Variants in SUGCT observed in about 807,000 individuals in gnomAD.
SUGCT encodes succinyl-CoA:glutarate CoA-transferase.
Under a neutral mutation model 55.0 loss-of-function variants are expected in SUGCT, and 41 were observed. The observed-to-expected ratio is 0.74, with a 90% CI of 0.58 to 0.97. SUGCT has a LOEUF of 0.97. Among genes scored for constraint, SUGCT ranks in the 50% least tolerant of loss-of-function variants. The pLI is 0.00. For missense variants in SUGCT, 568 were observed against 547.8 expected, an observed-to-expected ratio of 1.04 and a Z score of -0.37; for synonymous variants, 187 against 200.4, an observed-to-expected ratio of 0.93 and a Z score of 0.56.
intron 9 of SUGCT, among the ~76,000 whole-genome samples, chr7:40,377,190 CTTTCTTTCTTTTCTTTTCT>C (rs1562728523): frequency 1.3e-3 from 13 of 9,966 alleles, no homozygotes; most frequent in South Asian, 0.029. Context: ...TTCTTTCTTT[CTTTCTTTCTTTTCTTTTCT>C]TTTCTTTCTT....
intron 13 of SUGCT, among the ~76,000 whole-genome samples, chr7:40,817,613 C>T (rs1791744853): frequency 6.6e-6 from 1 of 152,090 alleles, no homozygotes; most frequent in African/African-American, 2.4e-5. Context: ...TCTTGTGGTA[C>T]ATCCAAAAGA....
At position 40,282,492 on chromosome 7, in the gene SUGCT, AAAACAAAC is replaced by A. The variant is rs3085012; in HGVS notation, c.720+7856_720+7863del. ...CAAAAATACTGAAAAAACAAAAACA[AAAACAAAC>A]AAACAAACAAACAAACAAAAAAACC... is the stretch of plus-strand genomic sequence containing the variant. On this transcript the variant is annotated intron_variant, in intron 8 of 13. Coordinates refer to ENST00000335693, the MANE Select transcript of SUGCT (RefSeq NM_001193313.2). 4.7e-3 allele frequency among the ~76,000 whole-genome samples: 713 copies of A among 150,574 alleles called. 6 individuals carry two copies. The highest frequency in any genetic ancestry group is 0.015 in the African/African-American group (606 of 41,010).
rs528114680 is a variant in SUGCT at position 40,271,520 on chromosome 7, G to T, written c.577-2993G>T. On this transcript the variant is annotated intron_variant, in intron 7 of 13. Coordinates refer to ENST00000335693, the MANE Select transcript of SUGCT (RefSeq NM_001193313.2). ...GATTTTTAATAGATGCCCTTTATTA[G>T]GTTGAGAAGTTTCATTTTTTTTTAG... Among the ~76,000 whole-genome samples, 7 of 152,090 alleles carry T rather than the reference G, an allele frequency of 4.6e-5. No individual in the cohort carries two copies. The South Asian group carries it at 1.2e-3, about 27-fold the overall frequency.
chr7:40,712,027 G>A (rs1036750373), intron 12 of SUGCT, among the ~76,000 whole-genome samples: 21 of 152,206 alleles, frequency 1.4e-4, no homozygotes, highest in African/African-American at 4.6e-4. Flanking sequence ...AGGAAACTGC[G>A]GCTCCGCAAG....
At chr7:40,881,354 G>A in the SUGCT span, among the ~76,000 whole-genome samples, 8 of 152,110 alleles carry the variant, frequency 5.3e-5, no homozygotes, top group African/African-American at 1.9e-4. Context: ...CTTCATATTT[G>A]TGTTCCATTC....
chr7:40,592,098 A>C (rs11974721), intron 12 of SUGCT, among the ~76,000 whole-genome samples: 3,819 of 152,262 alleles, frequency 0.025, 156 homozygotes, highest in African/African-American at 0.089. Flanking sequence ...GAAAGTGTCA[A>C]ATTTACATTA....
intron 7 of SUGCT, among the ~76,000 whole-genome samples, chr7:40,261,392 C>T (rs1791214967): frequency 6.6e-6 from 1 of 152,174 alleles, no homozygotes; most frequent in Non-Finnish European, 1.5e-5. Flanking sequence ...GGCCTTCAGA[C>T]AGTCCTGGCT....
chr7:40,575,125 T>TGGGGGGGGGGGGGGGGGGGGGG (rs1491375845), intron 12 of SUGCT, among the ~76,000 whole-genome samples: 1 of 136,956 alleles, frequency 7.3e-6, no homozygotes, highest in African/African-American at 3.2e-5. Context: ...GTGGCGGGGG[T>TGGGGGGGGGGGGGGGGGGGGGG]GGGGGTGGAG....
intron 12 of SUGCT, among the ~76,000 whole-genome samples, chr7:40,605,487 T>G (rs1798479786): frequency 6.6e-6 from 1 of 152,220 alleles, no homozygotes; most frequent in Non-Finnish European, 1.5e-5. Context: ...ATCAAAGCCT[T>G]AAAATCTATT....
intron 9 of SUGCT, among the ~76,000 whole-genome samples, chr7:40,420,564 C>T (rs560951657): frequency 1.3e-5 from 2 of 152,226 alleles, no homozygotes; most frequent in South Asian, 4.1e-4. Flanking sequence ...GCCTCAAACT[C>T]CTGACCTCAG....
chr7:41,002,132 T>C, the SUGCT span, among the ~76,000 whole-genome samples: 1 of 152,170 alleles, frequency 6.6e-6, no homozygotes, highest in East Asian at 1.9e-4. Context: ...GCGATTCTCC[T>C]GCCTCAGCCT....
chr7:40,232,176 G>A (rs1406956179), intron 6 of SUGCT, among the ~76,000 whole-genome samples: 1 of 152,134 alleles, frequency 6.6e-6, no homozygotes, highest in African/African-American at 2.4e-5. Flanking sequence ...GGTGGCTAAT[G>A]GAATAGTCTA....
At chr7:40,227,576 C>G (rs1435073098) in intron 6 of SUGCT, among the ~76,000 whole-genome samples, 1 of 152,018 alleles carries the variant, frequency 6.6e-6, no homozygotes. Context: ...CTCAAGAGAT[C>G]CTCTTGCCTT....
At chr7:40,876,479 G>C in the SUGCT span, among the ~76,000 whole-genome samples, 1 of 152,054 alleles carries the variant, frequency 6.6e-6, no homozygotes, top group African/African-American at 2.4e-5. Flanking sequence ...ATACAGGCTG[G>C]GCATATTGAA....
At chr7:40,761,431 G>A (rs1185487333) in intron 13 of SUGCT, among the ~76,000 whole-genome samples, 1 of 152,202 alleles carries the variant, frequency 6.6e-6, no homozygotes, top group Non-Finnish European at 1.5e-5. Flanking sequence ...AGGGGCCCAT[G>A]ATAGAGCACA....
At chr7:40,173,913 CTGTGTGTGTG>C (rs34789334) in intron 1 of SUGCT, among the ~76,000 whole-genome samples, 167 of 144,014 alleles carry the variant, frequency 1.2e-3, no homozygotes, top group Non-Finnish European at 1.7e-3. Flanking sequence ...AATGTATATC[CTGTGTGTGTG>C]TGTGTGTGTG....
At chr7:40,669,649 C>CA (rs1187480274) in intron 12 of SUGCT, among the ~76,000 whole-genome samples, 11 of 148,270 alleles carry the variant, frequency 7.4e-5, no homozygotes, top group African/African-American at 2.5e-4. Flanking sequence ...CACCCCAAAA[C>CA]AAAAAAACCC....
chr7:40,440,825 C>T, intron 9 of SUGCT, among the ~76,000 whole-genome samples: 1 of 152,002 alleles, frequency 6.6e-6, no homozygotes. Context: ...CACAGTGAGA[C>T]TCCATCTGAG....
intron 6 of SUGCT, among the ~76,000 whole-genome samples, chr7:40,195,862 T>C (rs1419105975): frequency 6.6e-6 from 1 of 151,746 alleles, no homozygotes; most frequent in Non-Finnish European, 1.5e-5. Context: ...TACAGGTGCC[T>C]ACCACCATGC....
Sources: allele counts gnomAD v4.1 joint callset (sites outside exome capture counted in the v4.1 genomes callset), GRCh38; gene constraint gnomAD v4.1.1; transcripts MANE v1.5; gene names NCBI Gene and HGNC (gene_info 2026-07-23, HGNC 2026-07-21).